The following STAG1 variants were observed in gnomAD, a reference collection of about 807,000 sequenced individuals.
STAG1 encodes the protein cohesin subunit SA-1.
In STAG1, 26 loss-of-function variants were observed where a neutral mutation model predicts 170.9. The observed-to-expected ratio is 0.15, with a 90% CI of 0.11 to 0.21. STAG1 has a LOEUF of 0.21. Ranked by LOEUF, STAG1 falls within the 10% of genes least tolerant of loss-of-function variation. The probability of loss-of-function intolerance (pLI) is 1.00; values close to 1 mark genes in which losing one functional copy is unlikely to be tolerated. For synonymous variants in STAG1, 514 were observed against 497.7 expected, an observed-to-expected ratio of 1.03 and a Z score of -0.44; for missense variants, 964 against 1,509.5, an observed-to-expected ratio of 0.64 and a Z score of 5.99.
chr3:136,416,868 C>G (rs1455935333), intron 21 of STAG1, among the ~76,000 whole-genome samples: 1 of 129,636 alleles, frequency 7.7e-6, no homozygotes, highest in Non-Finnish European at 1.6e-5. Context: ...TTTTTTGAGA[C>G]AGAGTCTCAC....
intron 23 of STAG1, among the ~76,000 whole-genome samples, chr3:136,370,737 C>T (rs1937286847): frequency 6.6e-6 from 1 of 152,188 alleles, no homozygotes; most frequent in Admixed American, 6.5e-5. Context: ...ATATGTGCCA[C>T]ATTTTCTTAA....
chr3:136,622,915 A>G (rs1576679824), intron 3 of STAG1, among the ~76,000 whole-genome samples: 2 of 152,344 alleles, frequency 1.3e-5, no homozygotes, highest in Admixed American at 1.3e-4. Context: ...ATGCCTTCAC[A>G]TGGACTACCA....
intron 3 of STAG1, among the ~76,000 whole-genome samples, chr3:136,615,383 G>A (rs766762145): frequency 5.2e-5 from 7 of 135,704 alleles, no homozygotes; most frequent in Non-Finnish European, 1.1e-4. Context: ...AGCTGAGATC[G>A]TGTCACTGCA....
intron 1 of STAG1, among the ~76,000 whole-genome samples, chr3:136,645,421 CA>C (rs1219558934): frequency 6.6e-6 from 1 of 152,110 alleles, no homozygotes; most frequent in Non-Finnish European, 1.5e-5. Context: ...ACTTCAGCCC[CA>C]ACTGCCTCTG....
At chr3:136,668,926 G>A (rs1387815540) in intron 1 of STAG1, among the ~76,000 whole-genome samples, 2 of 152,180 alleles carry the variant, frequency 1.3e-5, no homozygotes, top group Admixed American at 1.3e-4. Context: ...AAAAATATTA[G>A]AGGTCAGTAA....
At chr3:136,439,089 G>C (rs2088547529) in intron 15 of STAG1, among the ~76,000 whole-genome samples, 1 of 149,682 alleles carries the variant, frequency 6.7e-6, no homozygotes, top group African/African-American at 2.5e-5. Context: ...CCAGCTACTA[G>C]AGAGGCTGAC....
intron 8 of STAG1, among the ~76,000 whole-genome samples, chr3:136,500,912 T>C (rs901571975): frequency 1.3e-5 from 2 of 152,200 alleles, no homozygotes; most frequent in African/African-American, 4.8e-5. Context: ...TTATTATTAC[T>C]CAAAAACAAC....
chr3:136,741,604 G>C (rs879661099), intron 1 of STAG1, among the ~76,000 whole-genome samples: 4 of 152,108 alleles, frequency 2.6e-5, no homozygotes, highest in Admixed American at 2.6e-4. Flanking sequence ...AAGTAGCTGG[G>C]ATTACAGGCG....
At chr3:136,624,247 C>T (rs539786766) in intron 2 of STAG1, among the ~76,000 whole-genome samples, 13 of 151,958 alleles carry the variant, frequency 8.6e-5, no homozygotes, top group Middle Eastern at 3.4e-3. Context: ...TACAGGCACC[C>T]GCCACCAGGC....
Position 136,341,489 on chromosome 3 carries a change from C to G in STAG1, c.3509G>C (p.Arg1170Thr). Residue 1170 changes from arginine to threonine, a missense_variant, in exon 31 of 34, where the codon AGA becomes ACA. Coordinates refer to ENST00000383202, the MANE Select transcript of STAG1 (RefSeq NM_005862.3). ...CACTTTCATGTAGTTCATTCCTGTT[C>G]TGTCCTTCCGATTTAAGTCTTCTAA... Reference protein sequence around the residue: ...PKLEDLNRKDRTGMNYMKVRT... With the variant: ...PKLEDLNRKDTTGMNYMKVRT... 1 of 1,614,000 alleles carries G rather than the reference C, an allele frequency of 6.2e-7. No individual in the cohort carries two copies. Among genetic ancestry groups the G allele is most frequent in the Non-Finnish European group, 8.5e-7 (1 of 1,179,970 alleles).
chr3:136,704,536 G>A (rs1490180541), intron 1 of STAG1, among the ~76,000 whole-genome samples: 1 of 151,916 alleles, frequency 6.6e-6, no homozygotes, highest in Non-Finnish European at 1.5e-5. Flanking sequence ...TGTTACAAAA[G>A]ACAAAGAATG....
intron 21 of STAG1, 83 bp downstream of exon 21, chr3:136,417,802 C>A: frequency 1.0e-6 from 1 of 1,004,080 alleles, no homozygotes; most frequent in South Asian, 1.3e-5. Flanking sequence ...CAATTACTTT[C>A]TATAAAAGGC....
At chr3:136,498,263 C>CATACATAT (rs1559841916) in intron 9 of STAG1, among the ~76,000 whole-genome samples, 3 of 90,798 alleles carry the variant, frequency 3.3e-5, no homozygotes, top group African/African-American at 1.4e-4. Context: ...CACACACACA[C>CATACATAT]ACACACACAC....
intron 1 of STAG1, among the ~76,000 whole-genome samples, chr3:136,637,615 G>A (rs1395663419): frequency 6.6e-6 from 1 of 152,074 alleles, no homozygotes; most frequent in Non-Finnish European, 1.5e-5. Context: ...TCAATTACCT[G>A]AGTTCTCATA....
intron 3 of STAG1, among the ~76,000 whole-genome samples, chr3:136,605,496 A>G (rs1045899427): frequency 1.3e-5 from 2 of 152,146 alleles, no homozygotes; most frequent in African/African-American, 4.8e-5. Context: ...TGCAATAGAC[A>G]TTTCTTGAAA....
intron 15 of STAG1, among the ~76,000 whole-genome samples, chr3:136,442,398 A>G (rs919729958): frequency 2.0e-5 from 3 of 152,242 alleles, no homozygotes; most frequent in African/African-American, 4.8e-5. Context: ...ACGAACGAAT[A>G]TGCGTATAAG....
intron 4 of STAG1, among the ~76,000 whole-genome samples, chr3:136,587,498 C>T (rs1213120806): frequency 7.0e-6 from 1 of 142,506 alleles, no homozygotes; most frequent in Non-Finnish European, 1.5e-5. Context: ...CGAGATCACA[C>T]CATTTGCACT....
intron 25 of STAG1, among the ~76,000 whole-genome samples, chr3:136,364,591 C>T (rs897899915): frequency 6.6e-6 from 1 of 151,702 alleles, no homozygotes; most frequent in Admixed American, 6.6e-5. Context: ...ATCCCTGTAA[C>T]CCCCCCATCA....
At chr3:136,565,110 G>C (rs1385999770) in intron 5 of STAG1, among the ~76,000 whole-genome samples, 7 of 144,988 alleles carry the variant, frequency 4.8e-5, no homozygotes, top group African/African-American at 1.5e-4. Context: ...AAGAGAAAGA[G>C]AGAGAAAGAA....
Sources: gnomAD v4.1 joint callset for allele counts (sites outside exome capture counted in the v4.1 genomes callset) on GRCh38, gnomAD v4.1.1 for gene constraint, MANE v1.5 for transcripts, NCBI Gene and HGNC (gene_info 2026-07-23, HGNC 2026-07-21) for gene names.